Variants in FNIP2 observed in about 807,000 individuals in gnomAD.
The protein encoded by FNIP2 is folliculin-interacting protein 2.
A neutral mutation model predicts 108.7 loss-of-function variants in FNIP2; 32 were observed. That is an observed-to-expected ratio of 0.29 (90% CI 0.22 to 0.40). The LOEUF (loss-of-function observed/expected upper bound fraction) is 0.40, where lower values mean the gene tolerates loss of function less well. FNIP2 is among the 10% of genes least tolerant of loss of function. FNIP2 has a pLI of 1.00. For missense variants in FNIP2, 1,202 were observed against 1,381.6 expected (o/e 0.87, Z 2.06); for synonymous variants, 480 against 496.7 (o/e 0.97, Z 0.45).
At chr4:158,833,336 T>G (rs1238061790) in intron 5 of FNIP2, among the ~76,000 whole-genome samples, 192 bp from the exon 6 acceptor site, 1 of 152,230 alleles carries the variant, frequency 6.6e-6, no homozygotes, top group Non-Finnish European at 1.5e-5. Context: ...TAGCTTTTGT[T>G]TTCTTCCAAC....
intron 1 of FNIP2, among the ~76,000 whole-genome samples, chr4:158,807,087 T>C (rs1312644146): frequency 6.6e-6 from 1 of 152,226 alleles, no homozygotes; most frequent in Non-Finnish European, 1.5e-5. Flanking sequence ...TAAAGAATTT[T>C]ATTGCATATC....
At chr4:158,790,280 T>C (rs1776369277) in intron 1 of FNIP2, among the ~76,000 whole-genome samples, 1 of 151,400 alleles carries the variant, frequency 6.6e-6, no homozygotes, top group Admixed American at 6.6e-5. Flanking sequence ...GGAATATTTG[T>C]AAATACATTA....
chr4:158,870,263 A>C (rs1780861146), intron 13 of FNIP2, 50 bp from the exon 14 acceptor site: 3 of 1,588,318 alleles, frequency 1.9e-6, no homozygotes, highest in South Asian at 2.2e-5. Flanking sequence ...TAATGAAAGA[A>C]AAAAGTACAT....
At chr4:158,793,605 C>T (rs1031119126) in intron 1 of FNIP2, among the ~76,000 whole-genome samples, 7 of 152,168 alleles carry the variant, frequency 4.6e-5, no homozygotes, top group South Asian at 4.1e-4. Context: ...GTTTTCAGTT[C>T]CCTTATCATG....
intron 8 of FNIP2, among the ~76,000 whole-genome samples, chr4:158,851,694 G>A (rs1340516249): frequency 6.6e-6 from 1 of 152,200 alleles, no homozygotes; most frequent in Non-Finnish European, 1.5e-5. Context: ...ATCATGTTGA[G>A]CTAGATTGGG....
rs1578938344 is a variant in FNIP2, at chr4:158,865,918, T to C, written c.1466-2184T>C. Among the ~76,000 whole-genome samples, 5 of 152,228 alleles carry C rather than the reference T, an allele frequency of 3.3e-5. No individual in the cohort carries two copies. The East Asian group carries it at 9.6e-4, about 29-fold the overall frequency. Reference sequence around the variant, plus strand: ...AGAGAGGATTGTTTATTATTATTTATGTCTTGCCATTTGAATGTTCTTAGG... The same window carrying C: ...AGAGAGGATTGTTTATTATTATTTACGTCTTGCCATTTGAATGTTCTTAGG... On this transcript the variant is annotated intron_variant, in intron 12 of 16. Coordinates refer to ENST00000264433, the MANE Select transcript of FNIP2 (RefSeq NM_020840.3).
chr4:158,816,968 A>T (rs1278632695), intron 1 of FNIP2, among the ~76,000 whole-genome samples: 1 of 152,064 alleles, frequency 6.6e-6, no homozygotes, highest in Non-Finnish European at 1.5e-5. Flanking sequence ...TTGGGGAAAA[A>T]TGGGCCATTT....
intron 1 of FNIP2, among the ~76,000 whole-genome samples, chr4:158,819,906 G>T (rs757927770): frequency 2.0e-5 from 3 of 152,158 alleles, no homozygotes; most frequent in Non-Finnish European, 4.4e-5. Flanking sequence ...AACGGTGGAG[G>T]TTGGCAGAGA....
In FNIP2 at chr4:158,825,920, T is replaced by C. The variant is rs781083346; in HGVS notation, c.112T>C (p.Ser38Pro). The C allele has an allele frequency of 1.2e-5, 20 of 1,605,772 alleles. No homozygotes were observed. In the Admixed American group the frequency reaches 3.2e-4, roughly 25 times the overall value. The change falls in exon 2 of 17, where the codon TCA becomes CCA. Residue 38 changes from serine (S) to proline (P), a missense_variant. Physicochemically the swap from Ser to Pro is moderately conservative, Grantham distance 74. Transcript: ENST00000264433. The stretch of plus-strand genomic sequence containing the variant: ...TTTGCCCTTTTTAATCCACAGTTGG[T>C]CATGTTCGGAGTTTGACCTGAATGA... ...APKEGPAFSW[S>P]CSEFDLNEIR... is the part of the protein sequence containing the mutation.
intron 2 of FNIP2, among the ~76,000 whole-genome samples, chr4:158,827,612 G>T (rs991926670): frequency 2.0e-5 from 3 of 152,188 alleles, no homozygotes; most frequent in Non-Finnish European, 4.4e-5. Flanking sequence ...CTAGCAGTCT[G>T]AAGCAGTGGC....
At position 158,831,886 on chromosome 4, in the gene FNIP2, A is replaced by T; in HGVS notation, c.407A>T (p.Asn136Ile). 1 of 1,612,064 alleles carries T rather than the reference A, an allele frequency of 6.2e-7. No homozygotes were observed. ...TACACAAGACCAGCTTCCGATGTCA[A>T]CATGTTAGGGGAAATGATGTTTGGC... is the stretch of plus-strand genomic sequence containing the variant. ...YQYTRPASDVNMLGEMMFGSV... is the reference protein window; with the variant it reads ...YQYTRPASDVIMLGEMMFGSV... The change falls in exon 4 of 17, where the codon AAC becomes ATC. Residue 136 changes from asparagine to isoleucine, a missense_variant. Around this residue, in one of 5 missense-constraint regions of FNIP2, gnomAD observed 173 missense variants for 165.9 expected, o/e 1.04. Coordinates refer to ENST00000264433, the MANE Select transcript of FNIP2 (RefSeq NM_020840.3).
Position 158,891,544 on chromosome 4 carries a change from G to A in FNIP2, c.3048G>A (p.Thr1016=), listed in dbSNP as rs759550297. 8 of 1,611,200 alleles carry A rather than the reference G, an allele frequency of 5.0e-6. No individual in the cohort carries two copies. The highest frequency in any genetic ancestry group is 4.5e-5 in the East Asian group (2 of 44,840). ...VQVATSQRKV[T]DNMKLGQDVL... ...TAGCTACAAGTCAGAGGAAAGTGAC[G>A]GACAACATGAAACTAGGCCAGGATG... The change falls in exon 15 of 17, where the codon ACG becomes ACA. Residue 1016 remains threonine (T), a synonymous_variant. Coordinates refer to ENST00000264433, the MANE Select transcript of FNIP2 (RefSeq NM_020840.3).
At chr4:158,897,599 TGAG>T (rs1258436084) in intron 16 of FNIP2, among the ~76,000 whole-genome samples, 1 of 152,260 alleles carries the variant, frequency 6.6e-6, no homozygotes, top group East Asian at 1.9e-4. Flanking sequence ...CCAGTGATGA[TGAG>T]CTTTTTTTCA....
At chr4:158,889,943 G>T in intron 14 of FNIP2, 2 of 985,188 alleles carry the variant, frequency 2.0e-6, no homozygotes, top group South Asian at 9.4e-5. Flanking sequence ...ATCTTTAGTT[G>T]TCCGTTTTGG....
At chr4:158,901,453 A>G (rs1729260974) in intron 16 of FNIP2, among the ~76,000 whole-genome samples, 1 of 151,562 alleles carries the variant, frequency 6.6e-6, no homozygotes, top group African/African-American at 2.4e-5. Context: ...CGTGAATCTG[A>G]CCATTATGTG....
chr4:158,813,715 A>G (rs1300845172), intron 1 of FNIP2, among the ~76,000 whole-genome samples: 1 of 152,118 alleles, frequency 6.6e-6, no homozygotes, highest in African/African-American at 2.4e-5. Context: ...TCTTTCGTAG[A>G]CCACGCCTTT....
intron 14 of FNIP2, among the ~76,000 whole-genome samples, chr4:158,874,616 T>A (rs1158445633): frequency 1.3e-5 from 2 of 151,946 alleles, no homozygotes; most frequent in Admixed American, 6.6e-5. Flanking sequence ...TCATTGCCAC[T>A]GCACTCCAGC....
chr4:158,836,160 C>T (rs1778785114), intron 7 of FNIP2: 1 of 152,242 alleles, frequency 6.6e-6, no homozygotes, highest in Non-Finnish European at 1.5e-5. Flanking sequence ...GAGCACCCTG[C>T]TGGTTTCTCC....
intron 14 of FNIP2, chr4:158,889,944 T>A: frequency 1.0e-6 from 1 of 985,370 alleles, no homozygotes; most frequent in African/African-American, 1.7e-5. Flanking sequence ...TCTTTAGTTG[T>A]CCGTTTTGGA....
Sources: gnomAD v4.1 joint callset for allele counts (sites outside exome capture counted in the v4.1 genomes callset) on GRCh38, gnomAD v4.1.1 for gene constraint, gnomAD v4.1.1 regional missense constraint, MANE v1.5 for transcripts, NCBI Gene and HGNC (gene_info 2026-07-23, HGNC 2026-07-21) for gene names.